Variants in CAPG observed in about 807,000 individuals in gnomAD.
The protein encoded by CAPG is capping actin protein, gelsolin like.
Under a neutral mutation model 44.6 loss-of-function variants are expected in CAPG, and 32 were observed. The observed-to-expected ratio is 0.72, with a 90% CI of 0.54 to 0.96. The LOEUF is 0.96. CAPG is among the 50% of genes least tolerant of loss of function. CAPG has a pLI of 0.00. For missense variants in CAPG, 412 were observed against 438.3 expected (o/e 0.94, Z 0.54); for synonymous variants, 175 against 179.6 (o/e 0.97, Z 0.20).
rs761995248 is a variant in CAPG, at chr2:85,401,902, C to T, written c.79G>A (p.Glu27Lys). Residue 27 changes from glutamate (E) to lysine (K), a missense_variant, in exon 3 of 10, where the codon GAG becomes AAG. Physicochemically the swap from Glu to Lys is moderately conservative, Grantham distance 56. Coordinates refer to ENST00000263867, the MANE Select transcript of CAPG (RefSeq NM_001747.4). ...GCCACAGGCACCGGCTTCAGCTTCT[C>T]CACCCGCCACACATGCAGGCCTGGA... ...QDPGLHVWRV[E>K]KLKPVPVAQE... The T allele has an allele frequency of 1.2e-6, 2 of 1,613,846 alleles. No individual in the cohort carries two copies. Among genetic ancestry groups the T allele is most frequent in the Admixed American group, 3.3e-5 (2 of 60,000 alleles).
upstream of CAPG, chr2:85,418,908 C>G (rs1481879557): frequency 6.6e-6 from 1 of 152,390 alleles, no homozygotes; most frequent in Non-Finnish European, 1.5e-5. Context: ...CGAACCTGAG[C>G]CCCGCCCTGC....
Position 85,394,758 on chromosome 2 carries a change from G to T in CAPG, c.*135C>A. 1 of 733,888 alleles carries T rather than the reference G, an allele frequency of 1.4e-6. No individual in the cohort carries two copies. Among genetic ancestry groups the T allele is most frequent in the Non-Finnish European group, 2.5e-6 (1 of 400,042 alleles). The allele number at this position is 733,888 out of a possible 1,614,324, so 45.5% of individuals were successfully genotyped here. On this transcript the variant is annotated 3_prime_UTR_variant, in exon 10 of 10. Transcript: ENST00000263867. ...AATCAGCCCAGGGCAGGTGGTGCAGGAAAAGAGCTGGGAAAGCACTTGTCT... is the reference window on the plus strand; with the variant it reads ...AATCAGCCCAGGGCAGGTGGTGCAGTAAAAGAGCTGGGAAAGCACTTGTCT...
chr2:85,399,336 TC>T (rs776520019), intron 5 of CAPG, 51 bp from the exon 6 acceptor site: 59 of 1,594,398 alleles, frequency 3.7e-5, no homozygotes, highest in Non-Finnish European at 4.9e-5. Flanking sequence ...TGTGTCCTGC[TC>T]CCCAGCTCAG....
downstream of CAPG, among the ~76,000 whole-genome samples, chr2:85,391,955 A>G (rs1299874640): frequency 6.6e-6 from 1 of 152,128 alleles, no homozygotes; most frequent in African/African-American, 2.4e-5. Flanking sequence ...TGCTATACTT[A>G]CAAGCCCAGA....
At chr2:85,407,712 CAAAAAA>C (rs60228110) in intron 1 of CAPG, among the ~76,000 whole-genome samples, 1 of 91,176 alleles carries the variant, frequency 1.1e-5, no homozygotes, top group East Asian at 3.3e-4. Context: ...GACTCTGTCT[CAAAAAA>C]AAAAAAAAAA....
At position 85,395,417 on chromosome 2, in the gene CAPG, G is replaced by C; in HGVS notation, c.981+121C>G. On this transcript the variant is annotated intron_variant, in intron 9 of 9. Transcript: ENST00000263867. This position sits in a 1 kb window ranked among gnomAD's most constrained non-coding sequence, Gnocchi z 4.3. ...GCTTTCCCACTGGATGGGTCTAAGA[G>C]GGAGGCCTGGTTGTTCCTGACAGTG... is the stretch of plus-strand genomic sequence containing the variant. The C allele has an allele frequency of 1.4e-6, 1 of 730,868 alleles. No homozygotes were observed. Among genetic ancestry groups the C allele is most frequent in the Non-Finnish European group, 2.4e-6 (1 of 410,828 alleles). The allele number at this position is 730,868 out of a possible 1,614,324, so 45.3% of individuals were successfully genotyped here.
downstream of CAPG, among the ~76,000 whole-genome samples, chr2:85,393,219 A>G (rs995987023): frequency 6.6e-6 from 1 of 151,994 alleles, no homozygotes; most frequent in Admixed American, 6.6e-5. Flanking sequence ...TATTTTTGGT[A>G]GAGATGGGGT....
chr2:85,401,275 T>C lies in CAPG; in HGVS notation c.406A>G (p.Ile136Val), dbSNP rs1686872743. 1 of 1,614,078 alleles carries C rather than the reference T, an allele frequency of 6.2e-7. No individual in the cohort carries two copies. Among genetic ancestry groups the C allele is most frequent in the Non-Finnish European group, 8.5e-7 (1 of 1,180,038 alleles). ...CCCTTCACCTGGTAGAGTTTCTTGA[T>C]GGCAGCTGGGGCTCCTGTGGAGGTC... ...HKTSTGAPAA[I>V]KKLYQVKGKK... Residue 136 changes from isoleucine to valine, a missense_variant, in exon 5 of 10, where the codon ATC (isoleucine) becomes GTC (valine). Transcript: ENST00000263867.
chr2:85,416,698 G>T (rs1416626208), intron 1 of CAPG, among the ~76,000 whole-genome samples: 1 of 152,094 alleles, frequency 6.6e-6, no homozygotes, highest in Admixed American at 6.6e-5. Flanking sequence ...ATTTTTAGTA[G>T]AGACAGGGTT....
At position 85,401,569 on chromosome 2, in the gene CAPG, T is replaced by C; in HGVS notation, c.311A>G (p.Asp104Gly). The C allele has an allele frequency of 6.2e-7, 1 of 1,613,690 alleles. No homozygotes were observed. Among genetic ancestry groups the C allele is most frequent in the South Asian group, 1.1e-5 (1 of 91,068 alleles). Residue 104 changes from aspartate (D) to glycine (G), a missense_variant, in exon 4 of 10, where the codon GAC becomes GGC. By Grantham distance (94) the Asp-to-Gly change is moderately conservative. Transcript: ENST00000263867. The part of the protein sequence containing the change: ...QHREVQGNES[D>G]LFMSYFPRGL... ...CCGTGGGAAGTAGCTCATGAAGAGG[T>C]CAGACTCATTGCCCTGCACCTCGCG...
At chr2:85,416,576 A>G (rs1055095187) in intron 1 of CAPG, among the ~76,000 whole-genome samples, 3 of 152,168 alleles carry the variant, frequency 2.0e-5, no homozygotes, top group East Asian at 3.8e-4. Flanking sequence ...CAATGGCACA[A>G]TCTCAGCTCA....
intron 1 of CAPG, among the ~76,000 whole-genome samples, chr2:85,416,227 C>T (rs187632592): frequency 1.1e-4 from 17 of 152,206 alleles, no homozygotes; most frequent in Admixed American, 5.9e-4. Flanking sequence ...CCCATAAACT[C>T]GGGGTATGGA....
chr2:85,418,763 A>C (rs1687642478), upstream of CAPG: 2 of 152,228 alleles, frequency 1.3e-5, no homozygotes, highest in South Asian at 4.1e-4. Context: ...TGCGCCAGCC[A>C]GGGTGGGATC....
At chr2:85,397,507 G>C (rs975580256) in intron 8 of CAPG, among the ~76,000 whole-genome samples, 1 of 146,704 alleles carries the variant, frequency 6.8e-6, no homozygotes. Context: ...TCAGAAGTTC[G>C]AGACCAGCCT....
At chr2:85,410,707 C>A (rs939930395), upstream of CAPG, among the ~76,000 whole-genome samples, 9 of 152,238 alleles carry the variant, frequency 5.9e-5, no homozygotes, top group African/African-American at 1.7e-4. Flanking sequence ...GGGCCTGGGG[C>A]AGGCGCGGCA....
chr2:85,402,120 T>C lies in CAPG; in HGVS notation c.23+3A>G. The C allele has an allele frequency of 6.2e-7, 1 of 1,609,156 alleles. No homozygotes were observed. The highest frequency in any genetic ancestry group is 1.3e-5 in the African/African-American group (1 of 74,906). On this transcript the variant is annotated splice_donor_region_variant and intron_variant, in intron 2 of 9. Coordinates refer to ENST00000263867, the MANE Select transcript of CAPG (RefSeq NM_001747.4). ...GTGAAAGGAGATGGGGCATGCAGCTTACCTCTGGGGAATGGCTGTGTACAT... is the reference window on the plus strand; with the variant it reads ...GTGAAAGGAGATGGGGCATGCAGCTCACCTCTGGGGAATGGCTGTGTACAT...
At chr2:85,404,850 C>T (rs1042462817) in intron 1 of CAPG, among the ~76,000 whole-genome samples, 2 of 151,568 alleles carry the variant, frequency 1.3e-5, no homozygotes, top group South Asian at 2.1e-4. Context: ...GAGTGAGTAT[C>T]GCTTGAGCCC....
At chr2:85,417,229 G>T (rs1185324904) in intron 1 of CAPG, among the ~76,000 whole-genome samples, 1 of 152,180 alleles carries the variant, frequency 6.6e-6, no homozygotes, top group East Asian at 1.9e-4. Context: ...TGCTATCCTT[G>T]ATATGATTTT....
At chr2:85,410,793 T>C (rs2104853565), upstream of CAPG, among the ~76,000 whole-genome samples, 1 of 152,246 alleles carries the variant, frequency 6.6e-6, no homozygotes, top group Non-Finnish European at 1.5e-5. Context: ...TCCTCCTCCC[T>C]CAGTTTGTCT....
Sources: gnomAD v4.1 joint callset for allele counts (sites outside exome capture counted in the v4.1 genomes callset) on GRCh38, gnomAD v4.1.1 for gene constraint, Gnocchi (gnomAD v3.1) non-coding constraint, MANE v1.5 for transcripts, NCBI Gene and HGNC (gene_info 2026-07-23, HGNC 2026-07-21) for gene names.